The following UMAD1 variants were observed in gnomAD, a reference collection of about 807,000 sequenced individuals.
The protein encoded by UMAD1 is UBAP1-MVB12-associated (UMA)-domain containing protein 1.
UMAD1 carries 8 observed loss-of-function variants against 6.1 expected under a neutral mutation model. The ratio of observed to expected loss-of-function variants is 1.30; its 90% CI spans 0.76 to 2.35. UMAD1 has a LOEUF of 2.35. UMAD1 is among the 30% of genes most tolerant of loss of function. UMAD1 has a pLI of 0.00. For missense variants in UMAD1, 130 were observed against 78.4 expected (o/e 1.66, Z -2.49); for synonymous variants, 56 against 31.4 (o/e 1.78, Z -2.61).
chr7:7,697,007 C>G lies in UMAD1; in HGVS notation c.82+23554C>G, dbSNP rs557465556. Among the ~76,000 whole-genome samples, 14 of 152,270 alleles carry G rather than the reference C, an allele frequency of 9.2e-5. No homozygotes were observed. In the East Asian group the frequency reaches 2.1e-3, roughly 23 times the overall value. ...GCTCAGTAAACACCCTCTCTTTGCT[C>G]CAAGGTCTGTATAACTTCTGTCTTA... On this transcript the variant is annotated intron_variant, in intron 2 of 3. Coordinates refer to ENST00000682710, the MANE Select transcript of UMAD1 (RefSeq NM_001302348.2).
intron 2 of UMAD1, among the ~76,000 whole-genome samples, chr7:7,680,633 A>C (rs998585457): frequency 6.6e-6 from 1 of 152,046 alleles, no homozygotes; most frequent in Non-Finnish European, 1.5e-5. Flanking sequence ...TTTGGGTAGT[A>C]TGGACATTTT....
chr7:7,742,322 A>C (rs1444070154), intron 2 of UMAD1: 2 of 622,214 alleles, frequency 3.2e-6, no homozygotes, highest in African/African-American at 3.6e-5. Context: ...CGGAAATTTG[A>C]TAGTGTAGTG....
At chr7:7,678,007 G>T (rs1007789778) in intron 2 of UMAD1, among the ~76,000 whole-genome samples, 1 of 152,180 alleles carries the variant, frequency 6.6e-6, no homozygotes, top group Non-Finnish European at 1.5e-5. Flanking sequence ...CACTTAGGTT[G>T]ATTCTATATG....
At chr7:7,709,490 G>T (rs1780694073) in intron 2 of UMAD1, among the ~76,000 whole-genome samples, 1 of 152,222 alleles carries the variant, frequency 6.6e-6, no homozygotes, top group Non-Finnish European at 1.5e-5. Context: ...AGAAGGAACT[G>T]TGTGGAGAGA....
chr7:7,723,831 G>A (rs1781092263), intron 2 of UMAD1, among the ~76,000 whole-genome samples: 1 of 152,196 alleles, frequency 6.6e-6, no homozygotes, highest in African/African-American at 2.4e-5. Flanking sequence ...AGAATAGTCT[G>A]ACTCGTGTAG....
intron 2 of UMAD1, among the ~76,000 whole-genome samples, chr7:7,741,586 ATAATAAT>A (rs1563169751): frequency 1.2e-4 from 11 of 90,928 alleles, no homozygotes; most frequent in African/African-American, 4.6e-4. Context: ...CAAAATAATA[ATAATAAT>A]AATAATAATA....
At chr7:7,741,483 A>G (rs1215058929) in intron 2 of UMAD1, among the ~76,000 whole-genome samples, 1 of 151,722 alleles carries the variant, frequency 6.6e-6, no homozygotes, top group Admixed American at 6.6e-5. Flanking sequence ...AGGCTGAGGC[A>G]GGAGAATGGC....
intron 2 of UMAD1, among the ~76,000 whole-genome samples, chr7:7,730,064 T>G (rs1229576414): frequency 5.9e-5 from 9 of 152,194 alleles, no homozygotes; most frequent in Admixed American, 5.2e-4. Flanking sequence ...CTTTTCCCTT[T>G]TTCTGCCCTT....
At chr7:7,802,647 A>C (rs1782826062) in intron 3 of UMAD1, among the ~76,000 whole-genome samples, 1 of 152,170 alleles carries the variant, frequency 6.6e-6, no homozygotes, top group South Asian at 2.1e-4. Context: ...ATTATCTTGA[A>C]ATGTGAAACT....
At chr7:7,781,404 C>T (rs574535680) in intron 2 of UMAD1, among the ~76,000 whole-genome samples, 1 of 151,790 alleles carries the variant, frequency 6.6e-6, no homozygotes, top group South Asian at 2.1e-4. Context: ...AAATATACTG[C>T]TGCATTCTGG....
intron 2 of UMAD1, among the ~76,000 whole-genome samples, chr7:7,746,282 C>T (rs1185171606): frequency 6.6e-6 from 1 of 152,150 alleles, no homozygotes; most frequent in East Asian, 1.9e-4. Context: ...GAGGGAAGCA[C>T]TTGGGGCAAA....
At chr7:7,765,000 ATTCT>A (rs1347138350) in intron 2 of UMAD1, among the ~76,000 whole-genome samples, 3 of 143,470 alleles carry the variant, frequency 2.1e-5, no homozygotes, top group African/African-American at 8.1e-5. Flanking sequence ...TCTTAATATC[ATTCT>A]TTTTTTTTTT....
intron 2 of UMAD1, among the ~76,000 whole-genome samples, chr7:7,793,776 G>A (rs1375740067): frequency 6.6e-6 from 1 of 152,058 alleles, no homozygotes; most frequent in Admixed American, 6.5e-5. Context: ...AATAAATTTG[G>A]CCATATAGAG....
intron 2 of UMAD1, chr7:7,685,954 C>G (rs12112667): frequency 0.92 from 140,637 of 152,264 alleles, 65,080 homozygotes; most frequent in African/African-American, 0.98. Context: ...CAGGTGCTCT[C>G]CTGCTTGGTT....
chr7:7,729,257 G>T (rs575931684), intron 2 of UMAD1, among the ~76,000 whole-genome samples: 1 of 152,160 alleles, frequency 6.6e-6, no homozygotes, highest in Non-Finnish European at 1.5e-5. Flanking sequence ...GATGAGGCTC[G>T]GGAGTTAGGC....
At chr7:7,748,103 A>ATTTTTTTTTTT (rs35368211) in intron 2 of UMAD1, among the ~76,000 whole-genome samples, 1,518 of 140,018 alleles carry the variant, frequency 0.011, 17 homozygotes, top group Middle Eastern at 0.047. Flanking sequence ...CGCCCAGCTA[A>ATTTTTTTTTTT]TTTTTTTTTT....
At chr7:7,732,456 C>T (rs1476175824) in intron 2 of UMAD1, among the ~76,000 whole-genome samples, 2 of 151,982 alleles carry the variant, frequency 1.3e-5, no homozygotes, top group African/African-American at 2.4e-5. Flanking sequence ...TAAAAATTTC[C>T]ATGTTAACTT....
At position 7,878,079 on chromosome 7, in the gene UMAD1, G is replaced by A. The variant is rs1040487424; in HGVS notation, c.*541G>A. 3 of 155,576 alleles carry A rather than the reference G, an allele frequency of 1.9e-5. No homozygotes were observed. The highest frequency in any genetic ancestry group is 1.9e-4 in the Admixed American group (3 of 15,912). The allele number at this position is 155,576 out of a possible 1,614,324, so 9.6% of individuals were successfully genotyped here. On this transcript the variant is annotated 3_prime_UTR_variant, in exon 4 of 4. Coordinates refer to ENST00000682710, the MANE Select transcript of UMAD1 (RefSeq NM_001302348.2). ...TTGTCCTAAACAGCAGTGCTAGTTT[G>A]CTGATACAAGGATGCTAGACCTGCT...
At chr7:7,778,267 T>TGAGAGA (rs1475878780) in intron 2 of UMAD1, among the ~76,000 whole-genome samples, 37 of 107,860 alleles carry the variant, frequency 3.4e-4, no homozygotes, top group Middle Eastern at 4.7e-3. Context: ...TGTGTGTGTG[T>TGAGAGA]GTGTGTGTGA....
Sources: allele counts gnomAD v4.1 joint callset (sites outside exome capture counted in the v4.1 genomes callset), GRCh38; gene constraint gnomAD v4.1.1; transcripts MANE v1.5; gene names NCBI Gene and HGNC (gene_info 2026-07-23, HGNC 2026-07-21).